Variants in CNKSR3 observed in about 807,000 individuals in gnomAD.
CNKSR3 encodes connector enhancer of kinase suppressor of ras 3.
A neutral mutation model predicts 67.7 loss-of-function variants in CNKSR3; 36 were observed. The ratio of observed to expected loss-of-function variants is 0.53; its 90% CI spans 0.41 to 0.70. The LOEUF is 0.70. Among genes scored for constraint, CNKSR3 ranks in the 30% least tolerant of loss-of-function variants. CNKSR3 has a pLI of 0.00. For missense variants in CNKSR3, 630 were observed against 695.2 expected (o/e 0.91, Z 1.05); for synonymous variants, 281 against 271.4 (o/e 1.04, Z -0.35).
chr6:154,440,112 C>G (rs72995439), intron 4 of CNKSR3, among the ~76,000 whole-genome samples: 4,113 of 152,284 alleles, frequency 0.027, 92 homozygotes, highest in Non-Finnish European at 0.044. Flanking sequence ...AGCTACTTTA[C>G]TTGCTCTGAG....
chr6:154,497,087 C>T lies in CNKSR3; in HGVS notation c.52+12976G>A, dbSNP rs1030815311. Among the ~76,000 whole-genome samples, 12 of 152,004 alleles carry T rather than the reference C, an allele frequency of 7.9e-5. 1 individual carries two copies. The highest frequency in any genetic ancestry group is 4.2e-4 in the South Asian group (2 of 4,810). ...AGCAAGAGCCTGGCCCTTAAAGAAT[C>T]GTGATAAAGGCCAGGCGCGGTGGCT... On this transcript the variant is annotated intron_variant, in intron 1 of 12. Transcript: ENST00000607772.
At chr6:154,426,148 T>C (rs1395756119) in intron 7 of CNKSR3, among the ~76,000 whole-genome samples, 4 of 152,174 alleles carry the variant, frequency 2.6e-5, no homozygotes, top group Non-Finnish European at 5.9e-5. Flanking sequence ...ACAAGTTTTC[T>C]TTTTTGATCT....
chr6:154,457,454 T>C (rs1437163021), intron 1 of CNKSR3, among the ~76,000 whole-genome samples: 1 of 152,198 alleles, frequency 6.6e-6, no homozygotes, highest in Non-Finnish European at 1.5e-5. Context: ...ATGCAGGGGC[T>C]CACACCTGTA....
At chr6:154,450,460 A>G (rs1424064387) in intron 1 of CNKSR3, among the ~76,000 whole-genome samples, 4 of 152,204 alleles carry the variant, frequency 2.6e-5, no homozygotes, top group Admixed American at 2.6e-4. Flanking sequence ...AACATTCTCA[A>G]GTGATCCAAC....
At chr6:154,502,442 C>A (rs1787017946) in intron 1 of CNKSR3, among the ~76,000 whole-genome samples, 1 of 151,810 alleles carries the variant, frequency 6.6e-6, no homozygotes. Context: ...GGTGATCCAC[C>A]CACCTCGGCC....
chr6:154,468,432 A>C (rs186868375), intron 1 of CNKSR3, among the ~76,000 whole-genome samples: 3 of 142,766 alleles, frequency 2.1e-5, no homozygotes, highest in Non-Finnish European at 1.6e-5. Flanking sequence ...ACACACACAC[A>C]CCATGACCAT....
chr6:154,435,964 G>A (rs1207395140), intron 4 of CNKSR3, among the ~76,000 whole-genome samples: 3 of 152,186 alleles, frequency 2.0e-5, no homozygotes, highest in African/African-American at 7.2e-5. Flanking sequence ...CTGAGAATTC[G>A]GTGTGATGGC....
At chr6:154,464,230 G>A (rs995819091) in intron 1 of CNKSR3, among the ~76,000 whole-genome samples, 5 of 152,190 alleles carry the variant, frequency 3.3e-5, no homozygotes, top group Non-Finnish European at 5.9e-5. Context: ...TTAGGGTGGA[G>A]GGTGAAAGCC....
At position 154,510,615 on chromosome 6, in the gene CNKSR3, C is replaced by G. The variant is rs1210004679; in HGVS notation, c.-501G>C. The G allele has an allele frequency of 6.1e-6, 1 of 164,742 alleles. No homozygotes were observed. Among genetic ancestry groups the G allele is most frequent in the Non-Finnish European group, 1.3e-5 (1 of 76,958 alleles). The allele number at this position is 164,742 out of a possible 1,614,324, so 10.2% of individuals were successfully genotyped here. A position where few individuals can be genotyped will look rare whatever the true frequency, so the allele number is the denominator to read the frequency against. On this transcript the variant is annotated 5_prime_UTR_variant, in exon 1 of 13. Coordinates refer to ENST00000607772, the MANE Select transcript of CNKSR3 (RefSeq NM_173515.4). The stretch of plus-strand genomic sequence containing the variant: ...TCCTGCGCCGCCCTCCCGTGCCGCC[C>G]TGGCAGGGCCGAGCGCAGAGCGTGC...
At position 154,388,178 on chromosome 6, in the gene CNKSR3, C is replaced by T. The variant is rs1280533216; in HGVS notation, c.*18176G>A. 1 of 152,184 alleles carries T rather than the reference C, an allele frequency of 6.6e-6. No individual in the cohort carries two copies. Among genetic ancestry groups the T allele is most frequent in the Admixed American group, 6.5e-5 (1 of 15,278 alleles). 9.4% of individuals were successfully genotyped at this position (152,184 alleles called of 1,614,324 possible). A position where few individuals can be genotyped will look rare whatever the true frequency, so the allele number is the denominator to read the frequency against. ...TATTGATTAGTAACTCCCCACTCCC[C>T]TCAGCCCCTGGCCACCATCATTTCA... is the stretch of plus-strand genomic sequence containing the variant. On this transcript the variant is annotated 3_prime_UTR_variant, in exon 13 of 13. Transcript: ENST00000607772.
chr6:154,503,086 GTTAT>G (rs1404719394), intron 1 of CNKSR3, among the ~76,000 whole-genome samples: 2 of 152,108 alleles, frequency 1.3e-5, no homozygotes, highest in Non-Finnish European at 2.9e-5. Context: ...AACTGCCATG[GTTAT>G]TTATTCCTGA....
At chr6:154,422,700 A>G (rs1210966345) in intron 8 of CNKSR3, 48 bp from the exon 9 acceptor site, 4 of 1,598,678 alleles carry the variant, frequency 2.5e-6, no homozygotes, top group Admixed American at 3.3e-5. Flanking sequence ...TGAATAACGA[A>G]AAAAACCGAA....
At chr6:154,421,216 G>A (rs780718792) in intron 9 of CNKSR3, among the ~76,000 whole-genome samples, 10 of 152,278 alleles carry the variant, frequency 6.6e-5, no homozygotes, top group Admixed American at 2.0e-4. Context: ...GTTTTGCCAC[G>A]TTGGCCAGGC....
intron 7 of CNKSR3, 71 bp from the exon 8 acceptor site, chr6:154,423,054 T>C (rs1400676149): frequency 9.5e-7 from 1 of 1,047,724 alleles, no homozygotes; most frequent in Non-Finnish European, 1.4e-6. Context: ...TATTTCTTCT[T>C]TCTTCTGTAG....
chr6:154,458,204 C>T (rs974939005), intron 1 of CNKSR3, among the ~76,000 whole-genome samples: 5 of 152,108 alleles, frequency 3.3e-5, no homozygotes, highest in African/African-American at 1.2e-4. Context: ...CTGACAGCAG[C>T]GATGAGTACA....
Position 154,391,436 on chromosome 6 carries a change from T to C in CNKSR3, c.*14918A>G, listed in dbSNP as rs1784605488. The C allele has an allele frequency of 6.6e-6, 1 of 152,170 alleles. No individual in the cohort carries two copies. Among genetic ancestry groups the C allele is most frequent in the Non-Finnish European group, 1.5e-5 (1 of 68,084 alleles). The allele number at this position is 152,170 out of a possible 1,614,324, so 9.4% of individuals were successfully genotyped here. On this transcript the variant is annotated 3_prime_UTR_variant, in exon 13 of 13. Coordinates refer to ENST00000607772, the MANE Select transcript of CNKSR3 (RefSeq NM_173515.4). ...TTTTAGTAGAGACAGGGTTTCATCG[T>C]GTTAGCCAGGATAGTCTCAATCTCC...
At chr6:154,490,716 C>T (rs1255986530) in intron 1 of CNKSR3, among the ~76,000 whole-genome samples, 1 of 147,758 alleles carries the variant, frequency 6.8e-6, no homozygotes, top group Non-Finnish European at 1.5e-5. Flanking sequence ...GCCACCACAT[C>T]GGCTTCTTTC....
At chr6:154,493,014 A>T (rs1786811906) in intron 1 of CNKSR3, among the ~76,000 whole-genome samples, 1 of 152,178 alleles carries the variant, frequency 6.6e-6, no homozygotes, top group Non-Finnish European at 1.5e-5. Context: ...CAAAGCCACC[A>T]TTATCATTTT....
At chr6:154,439,960 C>T (rs1252972919) in intron 4 of CNKSR3, among the ~76,000 whole-genome samples, 5 of 152,298 alleles carry the variant, frequency 3.3e-5, no homozygotes, top group East Asian at 1.9e-4. Flanking sequence ...AGAAAATGGA[C>T]ACTCAAGGTA....
Sources: gnomAD v4.1 joint callset for allele counts (sites outside exome capture counted in the v4.1 genomes callset) on GRCh38, gnomAD v4.1.1 for gene constraint, MANE v1.5 for transcripts, NCBI Gene and HGNC (gene_info 2026-07-23, HGNC 2026-07-21) for gene names.